MTA3: variants seen among roughly 807,000 people sequenced by gnomAD.
MTA3 encodes the protein metastasis associated 1 family member 3, also known as metastasis-associated protein MTA3.
Under a neutral mutation model 83.5 loss-of-function variants are expected in MTA3, and 34 were observed. That is an observed-to-expected ratio of 0.41 (90% CI 0.31 to 0.54). MTA3 has a LOEUF of 0.54. MTA3 is among the 20% of genes least tolerant of loss of function. The pLI is 0.33. For synonymous variants in MTA3, 303 were observed against 252.7 expected (o/e 1.20, Z -1.89); for missense variants, 761 against 726.4 (o/e 1.05, Z -0.55).
At chr2:42,520,418 C>T (rs1675371163) in intron 2 of MTA3, among the ~76,000 whole-genome samples, 1 of 152,090 alleles carries the variant, frequency 6.6e-6, no homozygotes, top group Non-Finnish European at 1.5e-5. Flanking sequence ...TCAGTTGTGC[C>T]CAGCTTCATG....
intron 3 of MTA3, among the ~76,000 whole-genome samples, chr2:42,599,480 C>T (rs1682276241): frequency 6.6e-6 from 1 of 151,896 alleles, no homozygotes; most frequent in African/African-American, 2.4e-5. Flanking sequence ...CCTCCAGCTA[C>T]TCAGGAGGGT....
At chr2:42,587,559 G>GT (rs537129471) in intron 3 of MTA3, among the ~76,000 whole-genome samples, 92 of 151,532 alleles carry the variant, frequency 6.1e-4, no homozygotes, top group Non-Finnish European at 1.1e-3. Flanking sequence ...AATGTTTTCT[G>GT]TTTTTTTCTC....
chr2:42,524,841 G>A (rs13417936), intron 2 of MTA3, among the ~76,000 whole-genome samples: 51,302 of 143,474 alleles, frequency 0.36, 8,945 homozygotes, highest in South Asian at 0.41. Context: ...AAAAAAAAAA[G>A]AAAAAAAGAG....
intron 7 of MTA3, 72 bp downstream of exon 7, chr2:42,656,374 T>C: frequency 1.1e-6 from 1 of 942,162 alleles, no homozygotes; most frequent in Non-Finnish European, 1.5e-6. Context: ...ATATGTATTT[T>C]TATTTCTTTG....
intron 11 of MTA3, among the ~76,000 whole-genome samples, chr2:42,701,649 C>G (rs1344772172): frequency 6.6e-6 from 1 of 152,136 alleles, no homozygotes. Flanking sequence ...GGCACAGTGA[C>G]TTACGCCTGT....
At chr2:42,596,505 C>T (rs1183591440) in intron 3 of MTA3, among the ~76,000 whole-genome samples, 1 of 152,128 alleles carries the variant, frequency 6.6e-6, no homozygotes, top group Non-Finnish European at 1.5e-5. Flanking sequence ...AGATTATTAT[C>T]AACTGTAAAT....
chr2:42,617,078 G>A (rs1331063806), intron 4 of MTA3, among the ~76,000 whole-genome samples: 1 of 152,108 alleles, frequency 6.6e-6, no homozygotes, highest in Admixed American at 6.6e-5. Flanking sequence ...ACCAATTTAA[G>A]AGCAATTTGC....
intron 8 of MTA3, among the ~76,000 whole-genome samples, chr2:42,678,318 G>A (rs1236819659): frequency 6.6e-6 from 1 of 152,026 alleles, no homozygotes; most frequent in Non-Finnish European, 1.5e-5. Context: ...TTTTGTGAAA[G>A]CCAATGATTT....
At chr2:42,694,905 G>A (rs1321384860) in intron 9 of MTA3, among the ~76,000 whole-genome samples, 2 of 152,166 alleles carry the variant, frequency 1.3e-5, no homozygotes, top group Non-Finnish European at 1.5e-5. Flanking sequence ...TTGGGAGGCT[G>A]AGGTGGAAGG....
intron 2 of MTA3, among the ~76,000 whole-genome samples, chr2:42,498,011 A>G (rs1572880456): frequency 1.3e-5 from 2 of 152,198 alleles, no homozygotes; most frequent in African/African-American, 4.8e-5. Context: ...AGATTCCTCC[A>G]TCACTTTGCA....
At chr2:42,665,350 C>T (rs535745498) in intron 8 of MTA3, among the ~76,000 whole-genome samples, 1 of 152,226 alleles carries the variant, frequency 6.6e-6, no homozygotes, top group South Asian at 2.1e-4. Flanking sequence ...CGAGATTGTG[C>T]CACTGCACTT....
chr2:42,734,822 A>G (rs548785658), intron 16 of MTA3, among the ~76,000 whole-genome samples: 67 of 152,328 alleles, frequency 4.4e-4, no homozygotes, highest in African/African-American at 1.6e-3. Flanking sequence ...CAGACAAACA[A>G]ATAGGCAAAG....
chr2:42,506,768 C>T (rs1201437740), intron 2 of MTA3, among the ~76,000 whole-genome samples: 1 of 152,016 alleles, frequency 6.6e-6, no homozygotes, highest in Non-Finnish European at 1.5e-5. Flanking sequence ...CCACCACACC[C>T]AGCTAATTTT....
chr2:42,553,910 AGAAG>A (rs1677253421), intron 2 of MTA3, among the ~76,000 whole-genome samples: 1 of 146,816 alleles, frequency 6.8e-6, no homozygotes, highest in African/African-American at 2.5e-5. Flanking sequence ...AAAGAAAGAA[AGAAG>A]GAAGAAGAAA....
intron 2 of MTA3, among the ~76,000 whole-genome samples, chr2:42,526,983 G>T (rs1053122285): frequency 6.7e-6 from 1 of 149,400 alleles, no homozygotes; most frequent in African/African-American, 2.5e-5. Context: ...GAACCCAGGA[G>T]GGAGAGGTTG....
rs1558451263 is a variant in MTA3 at position 42,577,135 on chromosome 2, A to ATAT, written c.97-1972_97-1971insTAT. Among the ~76,000 whole-genome samples the ATAT allele has an allele frequency of 1.2e-4, 11 of 93,988 alleles. 1 individual carries two copies. The highest frequency in any genetic ancestry group is 7.9e-3 in the Middle Eastern group (1 of 126). The allele number at this position is 93,988 out of a possible 152,430, so 61.7% of individuals were successfully genotyped here. On this transcript the variant is annotated intron_variant, in intron 2 of 16. Transcript: ENST00000405094. ...ATATATATATATATATATATATATA[A>ATAT]AAATGAACTCTTAATTGCTGTAATG...
intron 2 of MTA3, among the ~76,000 whole-genome samples, chr2:42,519,218 C>A (rs61287079): frequency 1.3e-5 from 2 of 152,050 alleles, no homozygotes; most frequent in Admixed American, 1.3e-4. Context: ...ACAACCCAAT[C>A]TGATTATGAG....
At chr2:42,639,384 T>G (rs1385255594) in intron 4 of MTA3, among the ~76,000 whole-genome samples, 1 of 152,202 alleles carries the variant, frequency 6.6e-6, no homozygotes, top group South Asian at 2.1e-4. Context: ...TGAATAATCT[T>G]CAAAATGCTC....
At chr2:42,545,063 C>T (rs1676696662) in intron 2 of MTA3, among the ~76,000 whole-genome samples, 1 of 152,158 alleles carries the variant, frequency 6.6e-6, no homozygotes, top group South Asian at 2.1e-4. Flanking sequence ...CAGAAAACAG[C>T]TCAGTCATGA....
Sources: allele counts gnomAD v4.1 joint callset (sites outside exome capture counted in the v4.1 genomes callset), GRCh38; gene constraint gnomAD v4.1.1; transcripts MANE v1.5; gene names NCBI Gene and HGNC (gene_info 2026-07-23, HGNC 2026-07-21).